GPT: variants seen among roughly 807,000 people sequenced by gnomAD.
GPT encodes the protein glutamic--pyruvic transaminase.
In GPT, 60 loss-of-function variants were observed where a neutral mutation model predicts 51.4. That is an observed-to-expected ratio of 1.17 (90% confidence interval 0.95 to 1.45). The LOEUF (loss-of-function observed/expected upper bound fraction) is 1.45, where lower values mean the gene tolerates loss of function less well. GPT is among the 40% of genes most tolerant of loss of function. GPT has a pLI of 0.00. For missense variants in GPT, 853 were observed against 704.0 expected, an observed-to-expected ratio of 1.21 and a Z score of -2.40; for synonymous variants, 397 against 303.1, an observed-to-expected ratio of 1.31 and a Z score of -3.22.
At position 144,506,849 on chromosome 8, in the gene GPT, G is replaced by T; in HGVS notation, c.1400+6G>T. 6.2e-7 allele frequency: 1 copy of T among 1,612,634 alleles called. No homozygotes were observed. The highest frequency in any genetic ancestry group is 8.5e-7 in the Non-Finnish European group (1 of 1,179,768). On this transcript the variant is annotated splice_donor_region_variant and intron_variant, in intron 10 of 10. Coordinates refer to ENST00000394955, the MANE Select transcript of GPT (RefSeq NM_005309.3). The surrounding 1 kb of genome is among the most constrained non-coding windows in gnomAD (Gnocchi z 7.0). Reference sequence around the variant, plus strand: ...GAAGGCACCTACCACTTCCGGTGAGGCCTGGCCCTCACTCCCTGTCCCGCC... The same window carrying T: ...GAAGGCACCTACCACTTCCGGTGAGTCCTGGCCCTCACTCCCTGTCCCGCC...
chr8:144,506,695 G>GGGGGGGGGGCGCC lies in GPT; in HGVS notation c.1288-36_1288-35insGGGGGGGGGCGCC. ...GGGGCCTGCGGGGTGGGCAGGGGGG[G>GGGGGGGGGGCGCC]CCGGGCATCCCTCTCTGACGGCTCT... On this transcript the variant is annotated intron_variant, in intron 9 of 10. Transcript: ENST00000394955. The surrounding 1 kb of genome is among the most constrained non-coding windows in gnomAD (Gnocchi z 7.0). 1 of 1,498,280 alleles carries GGGGGGGGGGCGCC rather than the reference G, an allele frequency of 6.7e-7. No homozygotes were observed. The highest frequency in any genetic ancestry group is 9.2e-7 in the Non-Finnish European group (1 of 1,082,392). The allele number at this position is 1,498,280 out of a possible 1,614,324, so 92.8% of individuals were successfully genotyped here. A position where few individuals can be genotyped will look rare whatever the true frequency, so the allele number is the denominator to read the frequency against.
chr8:144,506,645 G>A lies in GPT; in HGVS notation c.1276G>A (p.Glu426Lys). 6.4e-7 allele frequency: 1 copy of A among 1,558,164 alleles called. No individual in the cohort carries two copies. The change falls in exon 9 of 11, where the codon GAG becomes AAG. Residue 426 changes from glutamate to lysine, a missense_variant. Physicochemically the swap from Glu to Lys is moderately conservative, Grantham distance 56. Transcript: ENST00000394955. This position sits in a 1 kb window ranked among gnomAD's most constrained non-coding sequence, Gnocchi z 7.0. ...CGTGCAGCTGCCCCCGCGGGCGGTG[G>A]AGCGCGCTCAGGTCAGGCGGGGGCG... is the stretch of plus-strand genomic sequence containing the variant. ...PRVQLPPRAV[E>K]RAQELGLAPD...
chr8:144,504,558 G>C, intron 1 of GPT, 46 bp from the exon 2 acceptor site: 1 of 1,608,960 alleles, frequency 6.2e-7, no homozygotes, highest in South Asian at 1.1e-5. Context: ...AGGGCTGAGG[G>C]GTTAGGTAGG....
At position 144,506,341 on chromosome 8, in the gene GPT, G is replaced by T; in HGVS notation, c.1066G>T (p.Ala356Ser). The T allele has an allele frequency of 6.3e-7, 1 of 1,579,104 alleles. No individual in the cohort carries two copies. The highest frequency in any genetic ancestry group is 1.8e-5 in the Admixed American group (1 of 55,446). Residue 356 changes from alanine (A) to serine (S), a missense_variant, in exon 8 of 11, where the codon GCC (alanine) becomes TCC (serine). By Grantham distance (99) the Ala-to-Ser change is moderately conservative (BLOSUM62 1). Coordinates refer to ENST00000394955, the MANE Select transcript of GPT (RefSeq NM_005309.3). This position sits in a 1 kb window ranked among gnomAD's most constrained non-coding sequence, Gnocchi z 7.0. ...VRLCPPVPGQ[A>S]LLDLVVSPPA... ...GCTGTGCCCGCCGGTGCCAGGACAGGCCCTGCTGGACCTGGTGGTCAGCCC... is the reference window on the plus strand; with the variant it reads ...GCTGTGCCCGCCGGTGCCAGGACAGTCCCTGCTGGACCTGGTGGTCAGCCC...
At position 144,504,343 on chromosome 8, in the gene GPT, G is replaced by A. The variant is rs745891303; in HGVS notation, c.39G>A (p.Arg13=). ...CAGGTGACCGGAGCCAGGCGGTGAGGCATGGACTGAGGGCGAAGGTGCTGA... is the reference window on the plus strand; with the variant it reads ...CAGGTGACCGGAGCCAGGCGGTGAGACATGGACTGAGGGCGAAGGTGCTGA... The part of the protein sequence containing the change: ...SSTGDRSQAV[R]HGLRAKVLTL... The change falls in exon 1 of 11, where the codon AGG becomes AGA. Residue 13 remains arginine (R), a synonymous_variant. Transcript: ENST00000394955. The A allele has an allele frequency of 1.7e-4, 278 of 1,610,886 alleles. No individual in the cohort carries two copies. Among genetic ancestry groups the A allele is most frequent in the Admixed American group, 5.8e-4 (35 of 60,002 alleles).
At position 144,504,681 on chromosome 8, in the gene GPT, C is replaced by T. The variant is rs747826842; in HGVS notation, c.240C>T (p.Thr80=). 8 of 1,613,340 alleles carry T rather than the reference C, an allele frequency of 5.0e-6. No homozygotes were observed. The South Asian group carries it at 8.8e-5, about 18-fold the overall frequency. Residue 80 remains threonine, a synonymous_variant, in exon 2 of 11, where the codon ACC becomes ACT. Transcript: ENST00000394955. ...AGGCTATGGGGCAGAGGCCCATCAC[C>T]TTCCTGCGCCAGGTGAGGCTCCTGC... The part of the protein sequence containing the change: ...DAQAMGQRPI[T]FLRQVLALCV...
Position 144,506,474 on chromosome 8 carries a change from T to C in GPT, c.1132-27T>C, listed in dbSNP as rs2130624062. 1.3e-6 allele frequency: 2 copies of C among 1,586,262 alleles called. No homozygotes were observed. The highest frequency in any genetic ancestry group is 2.3e-5 in the East Asian group (1 of 43,744). On this transcript the variant is annotated intron_variant, in intron 8 of 10. Transcript: ENST00000394955. This position sits in a 1 kb window ranked among gnomAD's most constrained non-coding sequence, Gnocchi z 7.0. ...GTGGGGGATGCCGAGTGCCGTGCCC[T>C]GATGGGCCCTCCCTCCGCGGCCACA...
At position 144,504,675 on chromosome 8, in the gene GPT, C is replaced by T. The variant is rs372867794; in HGVS notation, c.234C>T (p.Pro78=). ...ACGCACAGGCTATGGGGCAGAGGCCCATCACCTTCCTGCGCCAGGTGAGGC... is the reference window on the plus strand; with the variant it reads ...ACGCACAGGCTATGGGGCAGAGGCCTATCACCTTCCTGCGCCAGGTGAGGC... ...IGDAQAMGQR[P]ITFLRQVLAL... The change falls in exon 2 of 11, where the codon CCC becomes CCT. Residue 78 remains proline, a synonymous_variant. Transcript: ENST00000394955. The T allele has an allele frequency of 5.0e-6, 8 of 1,613,228 alleles. No homozygotes were observed. Among genetic ancestry groups the T allele is most frequent in the Non-Finnish European group, 6.8e-6 (8 of 1,180,012 alleles).
chr8:144,507,106 T>TGGGGGGGGGGGGGGGG lies in GPT; in HGVS notation c.*114_*115insGGGGGGGGGGGGGGGG. 1.2e-5 allele frequency: 2 copies of TGGGGGGGGGGGGGGGG among 161,084 alleles called. No homozygotes were observed. The highest frequency in any genetic ancestry group is 7.3e-5 in the Admixed American group (1 of 13,652). The allele number at this position is 161,084 out of a possible 1,614,324, so 10.0% of individuals were successfully genotyped here. A position where few individuals can be genotyped will look rare whatever the true frequency, so the allele number is the denominator to read the frequency against. ...GCTCTTGATGCCTGGCGGGGTGGGG[T>TGGGGGGGGGGGGGGGG]GGGGGGGGTGCTGGGCCCCTGCCTC... On this transcript the variant is annotated 3_prime_UTR_variant, in exon 11 of 11. Coordinates refer to ENST00000394955, the MANE Select transcript of GPT (RefSeq NM_005309.3).
upstream of GPT, among the ~76,000 whole-genome samples, chr8:144,503,523 C>T (rs1826636959): frequency 2.0e-5 from 3 of 152,108 alleles, no homozygotes; most frequent in Non-Finnish European, 2.9e-5. Flanking sequence ...CAGGGCTGGA[C>T]TGCCTGGCTC....
In GPT at chr8:144,506,163, G is replaced by T; in HGVS notation, c.956+32G>T. The T allele has an allele frequency of 6.2e-7, 1 of 1,604,768 alleles. No homozygotes were observed. ...GCGTACGAGGCGGGTGGGGGCTCGC[G>T]GGCCATGGCCAGGCCCTCCTCGCCC... On this transcript the variant is annotated intron_variant, in intron 7 of 10. Transcript: ENST00000394955. The surrounding 1 kb of genome is among the most constrained non-coding windows in gnomAD (Gnocchi z 7.0).
At position 144,506,902 on chromosome 8, in the gene GPT, C is replaced by T. The variant is rs755842813; in HGVS notation, c.1401-8C>T. On this transcript the variant is annotated splice_region_variant and splice_polypyrimidine_tract_variant and intron_variant, in intron 10 of 10. Coordinates refer to ENST00000394955, the MANE Select transcript of GPT (RefSeq NM_005309.3). The surrounding 1 kb of genome is among the most constrained non-coding windows in gnomAD (Gnocchi z 7.0). ...CCTGGCCCTTCACTCACTGTCAACT[C>T]CTTTCAGGATGACCATTCTGCCCCC... 4 of 1,612,754 alleles carry T rather than the reference C, an allele frequency of 2.5e-6. No individual in the cohort carries two copies. Among genetic ancestry groups the T allele is most frequent in the Non-Finnish European group, 3.4e-6 (4 of 1,179,748 alleles).
In GPT at chr8:144,504,992, G is replaced by C. The variant is rs3891235; in HGVS notation, c.362-6G>C. On this transcript the variant is annotated splice_region_variant and splice_polypyrimidine_tract_variant and intron_variant, in intron 3 of 10. Coordinates refer to ENST00000394955, the MANE Select transcript of GPT (RefSeq NM_005309.3). ...GTACTTCCCATCCTGTCCTGCCCGA[G>C]TCCAGGGGCCTACAGCGTCAGCTCC... 3.8e-4 allele frequency: 617 copies of C among 1,612,942 alleles called. No individual in the cohort carries two copies. Among genetic ancestry groups the C allele is most frequent in the Non-Finnish European group, 4.8e-4 (561 of 1,180,002 alleles).
chr8:144,505,128 C>G lies in GPT; in HGVS notation c.492C>G (p.Ile164Met), dbSNP rs779685262. The G allele has an allele frequency of 6.2e-7, 1 of 1,612,996 alleles. No individual in the cohort carries two copies. The highest frequency in any genetic ancestry group is 1.1e-5 in the South Asian group (1 of 91,088). The change falls in exon 4 of 11, where the codon ATC becomes ATG. Residue 164 changes from isoleucine (I) to methionine (M), a missense_variant. Physicochemically the swap from Ile to Met is conservative, Grantham distance 10. Coordinates refer to ENST00000394955, the MANE Select transcript of GPT (RefSeq NM_005309.3). Reference sequence around the variant, plus strand: ...TGTCCACAGGGGCCAGCGATGCCATCGTGGTAGGCTGGGCATGGGCACCAA... The same window carrying G: ...TGTCCACAGGGGCCAGCGATGCCATGGTGGTAGGCTGGGCATGGGCACCAA... The part of the protein sequence containing the change: ...VFLSTGASDA[I>M]VTVLKLLVAG...
At position 144,504,782 on chromosome 8, in the gene GPT, CTG is replaced by C; in HGVS notation, c.268_269del (p.Val90Ter). ...ITFLRQVLALCVNPDLLSSPN... is the reference protein window; with the variant it reads ...ITFLRQVLALXVNPDLLSSPN... ...CTCCGTCTTCCCAGGTCTTGGCCCT[CTG>C]TGTTAACCCTGATCTTCTGAGCAGC... On this transcript the variant is annotated frameshift_variant, in exon 3 of 11. Coordinates refer to ENST00000394955, the MANE Select transcript of GPT (RefSeq NM_005309.3). LOFTEE classifies it high-confidence loss of function. The C allele has an allele frequency of 6.2e-7, 1 of 1,613,666 alleles. No individual in the cohort carries two copies. The highest frequency in any genetic ancestry group is 2.2e-5 in the East Asian group (1 of 44,894).
upstream of GPT, among the ~76,000 whole-genome samples, chr8:144,503,401 G>A (rs951528643): frequency 6.6e-6 from 1 of 152,170 alleles, no homozygotes; most frequent in Non-Finnish European, 1.5e-5. Flanking sequence ...GGGAACAAGA[G>A]GGCTGGAGAG....
chr8:144,503,302 C>T (rs1029922254), upstream of GPT, among the ~76,000 whole-genome samples: 71 of 152,176 alleles, frequency 4.7e-4, no homozygotes, highest in Non-Finnish European at 5.9e-5. Flanking sequence ...GGTGGGCCAG[C>T]GTGGAGCCTG....
Position 144,506,676 on chromosome 8 carries a change from T to C in GPT, c.1287+20T>C. On this transcript the variant is annotated intron_variant, in intron 9 of 10. Transcript: ENST00000394955. The surrounding 1 kb of genome is among the most constrained non-coding windows in gnomAD (Gnocchi z 7.0). ...GCTCAGGTCAGGCGGGGGCGGGGCCTGCGGGGTGGGCAGGGGGGGCCGGGC... is the reference window on the plus strand; with the variant it reads ...GCTCAGGTCAGGCGGGGGCGGGGCCCGCGGGGTGGGCAGGGGGGGCCGGGC... 4.1e-6 allele frequency: 3 copies of C among 726,776 alleles called. 1 individual carries two copies. In the South Asian group the frequency reaches 4.2e-5, roughly 10 times the overall value. 45.0% of individuals were successfully genotyped at this position (726,776 alleles called of 1,614,324 possible).
chr8:144,504,917 T>C, intron 3 of GPT, 38 bp downstream of exon 3: 1 of 1,612,790 alleles, frequency 6.2e-7, no homozygotes, highest in Non-Finnish European at 8.5e-7. Flanking sequence ...AGGGCCGCCC[T>C]GCCACTGGAG....
Sources: allele counts gnomAD v4.1 joint callset (sites outside exome capture counted in the v4.1 genomes callset), GRCh38; gene constraint gnomAD v4.1.1; non-coding constraint Gnocchi (gnomAD v3.1); transcripts MANE v1.5; gene names NCBI Gene and HGNC (gene_info 2026-07-23, HGNC 2026-07-21).